SBNO2: variants seen among roughly 807,000 people sequenced by gnomAD.
SBNO2 encodes strawberry notch homolog 2.
SBNO2 carries 89 observed loss-of-function variants against 146.3 expected under a neutral mutation model. The observed-to-expected ratio is 0.61, with a 90% CI of 0.51 to 0.73. The LOEUF (loss-of-function observed/expected upper bound fraction) is 0.73. Among genes scored for constraint, SBNO2 ranks in the 30% least tolerant of loss-of-function variants. SBNO2 has a pLI of 0.00. For missense variants in SBNO2, 2,092 were observed against 2,003.7 expected (o/e 1.04, Z -0.84); for synonymous variants, 1,147 against 892.6 (o/e 1.29, Z -5.08).
At position 1,140,548 on chromosome 19, in the gene SBNO2, G is replaced by T. The variant is rs1436768404; in HGVS notation, c.279+6761C>A. Among the ~76,000 whole-genome samples, 1 of 152,086 alleles carries T rather than the reference G, an allele frequency of 6.6e-6. No homozygotes were observed. Among genetic ancestry groups the T allele is most frequent in the Admixed American group, 6.5e-5 (1 of 15,284 alleles). On this transcript the variant is annotated intron_variant, in intron 4 of 31. Transcript: ENST00000361757. The surrounding 1 kb of genome is among the most constrained non-coding windows in gnomAD (Gnocchi z 4.4). The stretch of plus-strand genomic sequence containing the variant: ...ACACACGTGACACCGCGGGAGCCCC[G>T]CAGCCCACGGTGGATGCCAGCAGCG...
intron 4 of SBNO2, chr19:1,128,117 CGA>C: frequency 2.0e-6 from 1 of 505,600 alleles, no homozygotes; most frequent in East Asian, 5.4e-5. Flanking sequence ...TGTGACAGAG[CGA>C]GAGAGTGAGA....
chr19:1,120,265 A>G (rs988275720), intron 11 of SBNO2: 1 of 515,714 alleles, frequency 1.9e-6, no homozygotes, highest in Non-Finnish European at 3.5e-6. Context: ...ACTCTAAACA[A>G]CACACACCGA....
At chr19:1,128,293 C>T (rs771184283) in intron 4 of SBNO2, 2 of 416,038 alleles carry the variant, frequency 4.8e-6, no homozygotes, top group Admixed American at 3.1e-5. Context: ...ATGCCCTGTG[C>T]CGGAGGCAGG....
intron 1 of SBNO2, among the ~76,000 whole-genome samples, chr19:1,161,834 G>A (rs1429728000): frequency 6.7e-6 from 1 of 149,436 alleles, no homozygotes; most frequent in East Asian, 2.0e-4. Context: ...CTGCTGTCTT[G>A]TGAAAGAGTC....
chr19:1,152,328 G>T (rs1338140346), intron 2 of SBNO2, among the ~76,000 whole-genome samples: 1 of 152,204 alleles, frequency 6.6e-6, no homozygotes, highest in East Asian at 1.9e-4. Context: ...CCTCTGGGGA[G>T]ATTCCAGTTT....
Position 1,141,308 on chromosome 19 carries a change from G to GA in SBNO2, c.279+6000dup, listed in dbSNP as rs572211331. On this transcript the variant is annotated intron_variant, in intron 4 of 31. Transcript: ENST00000361757. The stretch of plus-strand genomic sequence containing the variant: ...CGGCTCCCTGCAACCTCTGCTTCCC[G>GA]AGTTCAAGTGATTCTCCTGCCTCAG... 9.9e-4 allele frequency among the ~76,000 whole-genome samples: 150 copies of GA among 151,910 alleles called. 1 individual carries two copies. Among genetic ancestry groups the GA allele is most frequent in the African/African-American group, 3.4e-3 (141 of 41,376 alleles).
chr19:1,127,816 C>T (rs531469595), intron 4 of SBNO2, 51 bp from the exon 5 acceptor site: 8 of 1,571,978 alleles, frequency 5.1e-6, no homozygotes, highest in Middle Eastern at 3.4e-4. Flanking sequence ...ACACCAAGGC[C>T]CCTCCACGCA....
At chr19:1,161,504 G>A (rs1334931931) in intron 1 of SBNO2, among the ~76,000 whole-genome samples, 2 of 86,274 alleles carry the variant, frequency 2.3e-5, no homozygotes, top group African/African-American at 9.4e-5. Flanking sequence ...AGCACTGGGG[G>A]TGGAGATGGG....
At chr19:1,119,263 G>A in intron 13 of SBNO2, 99 bp from the exon 14 acceptor site, 5 of 1,408,702 alleles carry the variant, frequency 3.5e-6, no homozygotes, top group South Asian at 1.3e-5. Flanking sequence ...GGCGGGGTCG[G>A]CAGGAGCAGA....
rs2080201930 is a variant in SBNO2 at position 1,147,431 on chromosome 19, ATGGG to A, written c.168-15_168-12del. The A allele has an allele frequency of 2.1e-4, 125 of 590,954 alleles. No individual in the cohort carries two copies. Among genetic ancestry groups the A allele is most frequent in the Non-Finnish European group, 3.0e-4 (114 of 381,510 alleles). The allele number at this position is 590,954 out of a possible 1,614,324, so 36.6% of individuals were successfully genotyped here. A position where few individuals can be genotyped will look rare whatever the true frequency, so the allele number is the denominator to read the frequency against. On this transcript the variant is annotated splice_polypyrimidine_tract_variant and intron_variant, in intron 3 of 31. Transcript: ENST00000361757. ...GAGCTCATGAACGGGCTGGAGGGAG[ATGGG>A]GGGGGGGGAGGTGAGATGGGGTGCT...
chr19:1,170,773 C>T (rs946513840), intron 1 of SBNO2, among the ~76,000 whole-genome samples: 2 of 152,080 alleles, frequency 1.3e-5, no homozygotes, highest in African/African-American at 4.8e-5. Flanking sequence ...GACACAGGTG[C>T]ACAGGCAACA....
At position 1,108,191 on chromosome 19, in the gene SBNO2, T is replaced by C; in HGVS notation, c.*29A>G. 6.6e-7 allele frequency: 1 copy of C among 1,518,202 alleles called. No individual in the cohort carries two copies. Among genetic ancestry groups the C allele is most frequent in the South Asian group, 1.2e-5 (1 of 82,714 alleles). 94.0% of individuals were successfully genotyped at this position (1,518,202 alleles called of 1,614,324 possible). On this transcript the variant is annotated 3_prime_UTR_variant, in exon 32 of 32. Transcript: ENST00000361757. ...TCCTAGGGGAGAAACGGTCCCTGTG[T>C]CTTGGGGCATGTTTCGCCTAAAGGC...
chr19:1,123,397 T>C, intron 7 of SBNO2, 137 bp downstream of exon 7: 1 of 727,736 alleles, frequency 1.4e-6, no homozygotes, highest in Non-Finnish European at 2.3e-6. Context: ...TTGTAGAACC[T>C]GTCCCCGGGC....
At position 1,123,631 on chromosome 19, in the gene SBNO2, A is replaced by G. The variant is rs1169588064; in HGVS notation, c.531T>C (p.Ser177=). 1 of 1,611,840 alleles carries G rather than the reference A, an allele frequency of 6.2e-7. No individual in the cohort carries two copies. The highest frequency in any genetic ancestry group is 8.5e-7 in the Non-Finnish European group (1 of 1,179,378). The change falls in exon 7 of 32, where the codon AGT becomes AGC. Residue 177 remains serine, a synonymous_variant. Coordinates refer to ENST00000361757, the MANE Select transcript of SBNO2 (RefSeq NM_014963.3). The part of the protein sequence containing the change: ...TPLLVSYQEQ[S]VQSQPEEEDE... ...CCTCCTCCTCTGGCTGGCTCTGCAC[A>G]CTCTGCTCCTGCGTGCGTGGCGGGA...
chr19:1,122,241 G>A lies in SBNO2; in HGVS notation c.1047C>T (p.Phe349=), dbSNP rs569403768. 1.2e-4 allele frequency: 184 copies of A among 1,581,842 alleles called. 1 individual carries two copies. In the East Asian group the frequency reaches 1.7e-3, roughly 14 times the overall value. Reference sequence around the variant, plus strand: ...CCCCAATCAGGGCGGAGTAGGTGGCGAAGAGGACGCCCTCTGAGGTAGTGG... The same window carrying A: ...CCCCAATCAGGGCGGAGTAGGTGGCAAAGAGGACGCCCTCTGAGGTAGTGG... ...GDTTTSEGVL[F]ATYSALIGES... is the part of the protein sequence containing the mutation. The change falls in exon 11 of 32, where the codon TTC becomes TTT. Residue 349 remains phenylalanine (F), a synonymous_variant. Coordinates refer to ENST00000361757, the MANE Select transcript of SBNO2 (RefSeq NM_014963.3).
In SBNO2 at chr19:1,109,787, C is replaced by T. The variant is rs543733818; in HGVS notation, c.3029-10G>A. The T allele has an allele frequency of 2.0e-4, 207 of 1,055,092 alleles. No individual in the cohort carries two copies. In the Admixed American group the frequency reaches 2.2e-3, roughly 11 times the overall value. The allele number at this position is 1,055,092 out of a possible 1,614,324, so 65.4% of individuals were successfully genotyped here. ...ATACCGGGAGCAAGGTCTAGGGGGG[C>T]GGGTGGAGGGTAAGTGGTGTCCAGG... On this transcript the variant is annotated splice_polypyrimidine_tract_variant and intron_variant, in intron 26 of 31. Coordinates refer to ENST00000361757, the MANE Select transcript of SBNO2 (RefSeq NM_014963.3). This position sits in a 1 kb window ranked among gnomAD's most constrained non-coding sequence, Gnocchi z 4.2.
chr19:1,133,697 T>C lies in SBNO2; in HGVS notation c.280-5932A>G, dbSNP rs572048552. 3.9e-3 allele frequency among the ~76,000 whole-genome samples: 591 copies of C among 151,768 alleles called. 3 individuals carry two copies. Among genetic ancestry groups the C allele is most frequent in the South Asian group, 6.7e-3 (32 of 4,806 alleles). On this transcript the variant is annotated intron_variant, in intron 4 of 31. Coordinates refer to ENST00000361757, the MANE Select transcript of SBNO2 (RefSeq NM_014963.3). ...GGAAGAAACCCACGGAGCCGCTCAA[T>C]CCGGCAGCCAATCACAGCCACCGCT... is the stretch of plus-strand genomic sequence containing the variant.
chr19:1,128,432 G>A (rs535535122), intron 4 of SBNO2: 34 of 278,774 alleles, frequency 1.2e-4, no homozygotes, highest in African/African-American at 7.1e-4. Context: ...TTACACTGTC[G>A]CCCGGGCTGG....
intron 1 of SBNO2, chr19:1,155,124 G>A (rs948189331): frequency 1.3e-5 from 2 of 152,242 alleles, no homozygotes; most frequent in East Asian, 3.9e-4. Context: ...CGTGGTGGCA[G>A]GGAAAGCTTT....
Sources: allele counts gnomAD v4.1 joint callset (sites outside exome capture counted in the v4.1 genomes callset), GRCh38; gene constraint gnomAD v4.1.1; non-coding constraint Gnocchi (gnomAD v3.1); transcripts MANE v1.5; gene names NCBI Gene and HGNC (gene_info 2026-07-23, HGNC 2026-07-21).